The following PTGIR variants were observed in gnomAD, a reference collection of about 807,000 sequenced individuals.
PTGIR encodes prostaglandin I2 receptor.
In PTGIR, 16 loss-of-function variants were observed where a neutral mutation model predicts 17.6. That is an observed-to-expected ratio of 0.91 (90% CI 0.61 to 1.38). The LOEUF (loss-of-function observed/expected upper bound fraction) is 1.38. Among genes scored for constraint, PTGIR ranks in the 40% most tolerant of loss-of-function variants. The probability of loss-of-function intolerance (pLI) is 0.00; values close to 1 mark genes in which losing one functional copy is unlikely to be tolerated. For synonymous variants in PTGIR, 274 were observed against 255.4 expected (o/e 1.07, Z -0.69); for missense variants, 532 against 548.6 (o/e 0.97, Z 0.30).
Position 46,623,867 on chromosome 19 carries a change from G to A in PTGIR, c.359C>T (p.Ala120Val), listed in dbSNP as rs753290450. ...CGCGTAGAGGTAGGGGTGGCTCAGC[G>A]CCAGGCAGCGCTCCACGGCCATGGC... ...LFAMAVERCL[A>V]LSHPYLYAQL... is the part of the protein sequence containing the mutation. Residue 120 changes from alanine (A) to valine (V), a missense_variant, in exon 2 of 3, where the codon GCG (alanine) becomes GTG (valine). Coordinates refer to ENST00000291294, the MANE Select transcript of PTGIR (RefSeq NM_000960.4). 1.2e-6 allele frequency: 2 copies of A among 1,610,164 alleles called. No homozygotes were observed. Among genetic ancestry groups the A allele is most frequent in the Non-Finnish European group, 1.7e-6 (2 of 1,178,666 alleles).
At chr19:46,620,370 G>A (rs1386912406), downstream of PTGIR, 5 of 939,836 alleles carry the variant, frequency 5.3e-6, no homozygotes, top group East Asian at 5.8e-4. Flanking sequence ...CCAAAGTGCT[G>A]GGATTACAGG....
chr19:46,613,027 C>CTTTTTTTTTTTTTTTTTTTTTTTTTTT, the PTGIR span, among the ~76,000 whole-genome samples: 1 of 74,174 alleles, frequency 1.3e-5, no homozygotes, highest in Non-Finnish European at 2.4e-5. Flanking sequence ...TTGTGCCAAA[C>CTTTTTTTTTTTTTTTTTTTTTTTTTTT]TTTTTTTTTT....
At chr19:46,616,326 C>CTTTTTTTTTT (rs1021116711), downstream of PTGIR, among the ~76,000 whole-genome samples, 7 of 66,574 alleles carry the variant, frequency 1.1e-4, no homozygotes, top group African/African-American at 4.4e-4. Flanking sequence ...GACAGAAATG[C>CTTTTTTTTTT]TTTTTTTTTT....
At chr19:46,622,119 T>G in intron 2 of PTGIR, 1 of 985,386 alleles carries the variant, frequency 1.0e-6, no homozygotes, top group Non-Finnish European at 1.2e-6. Flanking sequence ...GCCTCTTGCA[T>G]TTTACAGAAA....
chr19:46,612,154 G>A, the PTGIR span, among the ~76,000 whole-genome samples: 3 of 152,230 alleles, frequency 2.0e-5, no homozygotes, highest in African/African-American at 7.2e-5. Context: ...CAGTAAAGAC[G>A]GTAGAGTATA....
In PTGIR at chr19:46,623,611, C is replaced by T. The variant is rs202124970; in HGVS notation, c.615G>A (p.Ser205=). 28 of 1,547,904 alleles carry T rather than the reference C, an allele frequency of 1.8e-5. No homozygotes were observed. In the South Asian group the frequency reaches 2.6e-4, roughly 14 times the overall value. The stretch of plus-strand genomic sequence containing the variant: ...ACATGCGGCAGAGGCTGAGGGTGAC[C>T]GAGCCGTTGCAGAGGAAGATGGCAG... The part of the protein sequence containing the change: ...LVAAIFLCNG[S]VTLSLCRMYR... The change falls in exon 2 of 3, where the codon TCG becomes TCA. Residue 205 remains serine (S), a synonymous_variant. Transcript: ENST00000291294.
In PTGIR at chr19:46,623,529, C is replaced by A; in HGVS notation, c.697G>T (p.Asp233Tyr). ...SLGPRPRTGE[D>Y]EVDHLILLAL... Reference sequence around the variant, plus strand: ...AGCAGGATCAGGTGGTCCACCTCGTCCTCTCCGGTGCGCGGCCGTGGACCC... The same window carrying A: ...AGCAGGATCAGGTGGTCCACCTCGTACTCTCCGGTGCGCGGCCGTGGACCC... Residue 233 changes from aspartate (D) to tyrosine (Y), a missense_variant, in exon 2 of 3, where the codon GAC becomes TAC. Asp to Tyr is a radical substitution (Grantham distance 160, BLOSUM62 -3). Coordinates refer to ENST00000291294, the MANE Select transcript of PTGIR (RefSeq NM_000960.4). The A allele has an allele frequency of 1.3e-6, 2 of 1,566,896 alleles. No individual in the cohort carries two copies. Among genetic ancestry groups the A allele is most frequent in the Non-Finnish European group, 1.7e-6 (2 of 1,155,452 alleles).
chr19:46,617,268 C>T (rs1971976223), downstream of PTGIR, among the ~76,000 whole-genome samples: 2 of 152,140 alleles, frequency 1.3e-5, no homozygotes, highest in African/African-American at 4.8e-5. Flanking sequence ...GCTCTCTGGA[C>T]AGGACCCGGG....
Position 46,623,683 on chromosome 19 carries a change from G to A in PTGIR, c.543C>T (p.Gly181=). The A allele has an allele frequency of 1.9e-6, 3 of 1,551,458 alleles. No homozygotes were observed. The highest frequency in any genetic ancestry group is 2.6e-6 in the Non-Finnish European group (3 of 1,151,320). The change falls in exon 2 of 3, where the codon GGC becomes GGT. Residue 181 remains glycine, a synonymous_variant. Transcript: ENST00000291294. The part of the protein sequence containing the change: ...FLRMRWAQPG[G]AAFSLAYAGL... Reference sequence around the variant, plus strand: ...CGGCGTAGGCCAGCGAGAAGGCGGCGCCGCCCGGCTGGGCCCAGCGCATGC... The same window carrying A: ...CGGCGTAGGCCAGCGAGAAGGCGGCACCGCCCGGCTGGGCCCAGCGCATGC...
the PTGIR span, among the ~76,000 whole-genome samples, chr19:46,613,658 A>C: frequency 6.6e-6 from 1 of 152,036 alleles, no homozygotes; most frequent in East Asian, 1.9e-4. Flanking sequence ...ACATCATTTC[A>C]CTTAGTTCAT....
the PTGIR span, among the ~76,000 whole-genome samples, chr19:46,612,220 C>A: frequency 6.6e-6 from 1 of 152,234 alleles, no homozygotes; most frequent in African/African-American, 2.4e-5. Context: ...GGTTCCAGCA[C>A]TTACCTGCCT....
the PTGIR span, chr19:46,614,413 G>C: frequency 1.0e-6 from 1 of 985,310 alleles, no homozygotes; most frequent in South Asian, 4.7e-5. Flanking sequence ...GTCAGGCCGG[G>C]TGCTAGGGAG....
In PTGIR at chr19:46,623,470, G is replaced by T; in HGVS notation, c.756C>A (p.Ser252=). 6.4e-7 allele frequency: 1 copy of T among 1,564,280 alleles called. No individual in the cohort carries two copies. Residue 252 remains serine (S), a synonymous_variant, in exon 2 of 3, where the codon TCC becomes TCA. Transcript: ENST00000291294. ...GGAGGGGACTCACCGTGAGAGGCAG[G>T]GAGCACACGGCCATGACCACTGTCA... ...ALMTVVMAVC[S]LPLTIRCFTQ... is the part of the protein sequence containing the mutation.
At chr19:46,613,344 C>A in the PTGIR span, among the ~76,000 whole-genome samples, 2 of 131,776 alleles carry the variant, frequency 1.5e-5, no homozygotes, top group African/African-American at 6.1e-5. Flanking sequence ...TTTCGCCTCC[C>A]CCTACCCCCC....
chr19:46,619,790 C>T (rs751867247), downstream of PTGIR, among the ~76,000 whole-genome samples: 2 of 152,166 alleles, frequency 1.3e-5, no homozygotes, highest in Non-Finnish European at 2.9e-5. Context: ...CGCGCCTCTC[C>T]CCAAGTGTGG....
chr19:46,611,129 A>T, the PTGIR span, among the ~76,000 whole-genome samples: 2 of 152,186 alleles, frequency 1.3e-5, no homozygotes, highest in African/African-American at 4.8e-5. Flanking sequence ...GCTGAGACCT[A>T]CCTGAAAGAT....
intron 2 of PTGIR, 178 bp downstream of exon 2, chr19:46,623,280 A>G (rs544084652): frequency 2.1e-5 from 15 of 716,290 alleles, no homozygotes; most frequent in African/African-American, 1.9e-4. Flanking sequence ...TACAGGTGTG[A>G]GCCACCGCAT....
intron 2 of PTGIR, chr19:46,622,631 A>G (rs2052743940): frequency 6.5e-6 from 1 of 153,396 alleles, no homozygotes; most frequent in Admixed American, 6.6e-5. Context: ...AAGAAGTCAG[A>G]TGCAGAAAGA....
rs201398142 is a variant in PTGIR at position 46,623,480 on chromosome 19, G to C, written c.746C>G (p.Ala249Gly). Reference sequence around the variant, plus strand: ...CACCGTGAGAGGCAGGGAGCACACGGCCATGACCACTGTCATGAGGGCCAG... The same window carrying C: ...CACCGTGAGAGGCAGGGAGCACACGCCCATGACCACTGTCATGAGGGCCAG... ...ILLALMTVVM[A>G]VCSLPLTIRC... The change falls in exon 2 of 3, where the codon GCC (alanine) becomes GGC (glycine). Residue 249 changes from alanine (A) to glycine (G), a missense_variant. By Grantham distance (60) the Ala-to-Gly change is moderately conservative (BLOSUM62 0). Coordinates refer to ENST00000291294, the MANE Select transcript of PTGIR (RefSeq NM_000960.4). 26 of 1,576,302 alleles carry C rather than the reference G, an allele frequency of 1.6e-5. No homozygotes were observed. Among genetic ancestry groups the C allele is most frequent in the Non-Finnish European group, 2.2e-5 (26 of 1,159,764 alleles).
Sources: gnomAD v4.1 joint callset for allele counts (sites outside exome capture counted in the v4.1 genomes callset) on GRCh38, gnomAD v4.1.1 for gene constraint, MANE v1.5 for transcripts, NCBI Gene and HGNC (gene_info 2026-07-23, HGNC 2026-07-21) for gene names.